The following TRAPPC6B variants were observed in gnomAD, a reference collection of about 807,000 sequenced individuals.
The protein encoded by TRAPPC6B is TRAPP complex subunit 6B.
A neutral mutation model predicts 24.7 loss-of-function variants in TRAPPC6B; 27 were observed. That is an observed-to-expected ratio of 1.09 (90% CI 0.81 to 1.51). TRAPPC6B has a LOEUF of 1.51. Ranked by LOEUF, TRAPPC6B falls within the 40% of genes most tolerant of loss-of-function variation. TRAPPC6B has a pLI of 0.00. For missense variants in TRAPPC6B, 212 were observed against 190.8 expected (o/e 1.11, Z -0.66); for synonymous variants, 80 against 66.6 (o/e 1.20, Z -0.98).
chr14:39,154,439 G>C (rs2052952672), intron 3 of TRAPPC6B, 145 bp from the exon 4 acceptor site: 1 of 596,108 alleles, frequency 1.7e-6, no homozygotes, highest in Non-Finnish European at 2.9e-6. Context: ...TCTGTTCTTT[G>C]AGACGGGGTC....
At chr14:39,151,389 C>CAAAAA (rs11288695) in intron 5 of TRAPPC6B, among the ~76,000 whole-genome samples, 27 of 78,718 alleles carry the variant, frequency 3.4e-4, no homozygotes, top group African/African-American at 8.5e-4. Context: ...GACTCCGTCT[C>CAAAAA]AAAAAAAAAA....
chr14:39,168,043 G>C (rs1405142930), intron 1 of TRAPPC6B, among the ~76,000 whole-genome samples: 3 of 151,898 alleles, frequency 2.0e-5, no homozygotes, highest in African/African-American at 7.3e-5. Context: ...GTGAAACTCC[G>C]TCTCTACTAA....
chr14:39,156,127 T>TA (rs1386327347), intron 3 of TRAPPC6B, among the ~76,000 whole-genome samples: 5 of 151,778 alleles, frequency 3.3e-5, no homozygotes, highest in Non-Finnish European at 1.5e-5. Context: ...GTCTAGAGAG[T>TA]AAAAAAATCA....
intron 2 of TRAPPC6B, 139 bp downstream of exon 2, chr14:39,159,344 A>T (rs1238164323): frequency 1.1e-5 from 5 of 475,864 alleles, no homozygotes; most frequent in Non-Finnish European, 1.1e-5. Context: ...ATCTAAAAAG[A>T]AATTTTAATT....
intron 4 of TRAPPC6B, among the ~76,000 whole-genome samples, chr14:39,152,396 A>G (rs2052925948): frequency 6.6e-6 from 1 of 152,204 alleles, no homozygotes; most frequent in African/African-American, 2.4e-5. Context: ...TTGGACGTTG[A>G]GAAACCCTGT....
At chr14:39,161,028 TC>T (rs1275994053) in intron 1 of TRAPPC6B, among the ~76,000 whole-genome samples, 2 of 152,174 alleles carry the variant, frequency 1.3e-5, no homozygotes, top group Non-Finnish European at 2.9e-5. Context: ...ATGACAAGAC[TC>T]CCCACCATTT....
rs764486450 is a variant in TRAPPC6B, at chr14:39,151,740, A to G, written c.445+6T>C. ...AACATTTGTAAGAAAGGCGAATTCA[A>G]CTTACAAGCAGGCATTGAAGACACT... On this transcript the variant is annotated splice_donor_region_variant and intron_variant, in intron 5 of 5. Coordinates refer to ENST00000330149, the MANE Select transcript of TRAPPC6B (RefSeq NM_001079537.2). 2.7e-5 allele frequency: 42 copies of G among 1,566,058 alleles called. 1 individual carries two copies. Among genetic ancestry groups the G allele is most frequent in the Non-Finnish European group, 3.4e-5 (40 of 1,160,650 alleles).
intron 5 of TRAPPC6B, 54 bp downstream of exon 5, chr14:39,151,690 AAC>A: frequency 1.5e-6 from 2 of 1,319,100 alleles, no homozygotes; most frequent in East Asian, 2.4e-5. Flanking sequence ...TAAAAAAAAA[AAC>A]AGACCTGAAA....
intron 3 of TRAPPC6B, among the ~76,000 whole-genome samples, chr14:39,155,610 C>G (rs1238308834): frequency 6.6e-6 from 1 of 152,068 alleles, no homozygotes; most frequent in Non-Finnish European, 1.5e-5. Flanking sequence ...GATCTAGGCT[C>G]ACTGCAACCT....
Position 39,170,229 on chromosome 14 carries a change from C to G in TRAPPC6B, c.-134G>C. On this transcript the variant is annotated 5_prime_UTR_variant, in exon 1 of 6. Transcript: ENST00000330149. ...CCATTCTATCCCTGTGGCTAAGAGA[C>G]CGAGGTATTCACACGACTTCCCAAA... is the stretch of plus-strand genomic sequence containing the variant. The G allele has an allele frequency of 1.3e-6, 1 of 756,276 alleles. No individual in the cohort carries two copies. The highest frequency in any genetic ancestry group is 2.2e-6 in the Non-Finnish European group (1 of 457,284). The allele number at this position is 756,276 out of a possible 1,614,324, so 46.8% of individuals were successfully genotyped here. A position where few individuals can be genotyped will look rare whatever the true frequency, so the allele number is the denominator to read the frequency against.
intron 4 of TRAPPC6B, 59 bp downstream of exon 4, chr14:39,154,152 G>C: frequency 9.5e-7 from 1 of 1,049,020 alleles, no homozygotes; most frequent in Non-Finnish European, 1.5e-6. Flanking sequence ...GATTAGCACT[G>C]TACTTTTCCC....
chr14:39,153,431 G>C (rs372690675), intron 4 of TRAPPC6B, among the ~76,000 whole-genome samples: 1 of 149,718 alleles, frequency 6.7e-6, no homozygotes. Flanking sequence ...AGTTCAAGAC[G>C]AGCCTGGGCA....
At chr14:39,152,594 C>T (rs761806) in intron 4 of TRAPPC6B, among the ~76,000 whole-genome samples, 141,025 of 152,204 alleles carry the variant, frequency 0.93, 65,424 homozygotes, top group East Asian at 0.95. Context: ...CATAAATGGG[C>T]ACTAATAAGT....
At chr14:39,165,646 T>A (rs1485119114) in intron 1 of TRAPPC6B, among the ~76,000 whole-genome samples, 1 of 151,430 alleles carries the variant, frequency 6.6e-6, no homozygotes, top group African/African-American at 2.4e-5. Context: ...AAAAATTTTT[T>A]TAATTAGCTG....
intron 1 of TRAPPC6B, among the ~76,000 whole-genome samples, chr14:39,162,492 A>C (rs888533022): frequency 6.6e-6 from 1 of 152,114 alleles, no homozygotes; most frequent in Non-Finnish European, 1.5e-5. Context: ...TACTGCTTAT[A>C]ATTGATTTTC....
At chr14:39,165,047 CTT>C (rs141322850) in intron 1 of TRAPPC6B, among the ~76,000 whole-genome samples, 18 of 138,764 alleles carry the variant, frequency 1.3e-4, no homozygotes, top group East Asian at 2.1e-4. Flanking sequence ...ACTTCACATT[CTT>C]TTTTTTTTTT....
intron 1 of TRAPPC6B, among the ~76,000 whole-genome samples, chr14:39,169,695 A>G (rs939499102): frequency 3.9e-5 from 6 of 152,192 alleles, no homozygotes; most frequent in Non-Finnish European, 7.3e-5. Context: ...AAAACTAAGT[A>G]GGCTCTGCAG....
At position 39,148,354 on chromosome 14, in the gene TRAPPC6B, A is replaced by G; in HGVS notation, c.*1996T>C. The G allele has an allele frequency of 3.6e-6, 1 of 277,784 alleles. No individual in the cohort carries two copies. The allele number at this position is 277,784 out of a possible 1,614,324, so 17.2% of individuals were successfully genotyped here. ...ATGATCAAGTAAGCCAATTACCATG[A>G]TTGGCACAGAATCTAATCAACACTC... On this transcript the variant is annotated 3_prime_UTR_variant, in exon 6 of 6. Transcript: ENST00000330149.
At chr14:39,165,748 A>T (rs1458062212) in intron 1 of TRAPPC6B, among the ~76,000 whole-genome samples, 19 of 152,176 alleles carry the variant, frequency 1.2e-4, no homozygotes, top group Admixed American at 1.2e-3. Flanking sequence ...AGTGAGCCAA[A>T]GTCCCAACAC....
Sources: gnomAD v4.1 joint callset for allele counts (sites outside exome capture counted in the v4.1 genomes callset) on GRCh38, gnomAD v4.1.1 for gene constraint, MANE v1.5 for transcripts, NCBI Gene and HGNC (gene_info 2026-07-23, HGNC 2026-07-21) for gene names.